The following NFASC variants were observed in gnomAD, a reference collection of about 807,000 sequenced individuals.
NFASC encodes the protein neurofascin homolog.
NFASC carries 43 observed loss-of-function variants against 147.5 expected under a neutral mutation model. The observed-to-expected ratio is 0.29, with a 90% CI of 0.23 to 0.38. The LOEUF is 0.38. Among genes scored for constraint, NFASC ranks in the 10% least tolerant of loss-of-function variants. NFASC has a pLI of 1.00. For missense variants in NFASC, 1,320 were observed against 1,689.0 expected (o/e 0.78, Z 3.83); for synonymous variants, 622 against 665.5 (o/e 0.93, Z 1.01).
intron 1 of NFASC, among the ~76,000 whole-genome samples, chr1:204,896,599 C>T (rs879423318): frequency 5.9e-5 from 9 of 152,122 alleles, no homozygotes; most frequent in Admixed American, 5.9e-4. Context: ...GGACACAAGC[C>T]AGGGTCTCTC....
chr1:204,830,358 T>C (rs1671858409), intron 1 of NFASC, among the ~76,000 whole-genome samples: 3 of 152,100 alleles, frequency 2.0e-5, no homozygotes, highest in Admixed American at 2.0e-4. Flanking sequence ...ATAGGGGCCA[T>C]ACCAGCTGTG....
chr1:204,919,436 G>A (rs982428301), intron 1 of NFASC, among the ~76,000 whole-genome samples: 8 of 151,930 alleles, frequency 5.3e-5, no homozygotes, highest in Admixed American at 3.3e-4. Context: ...CTAAATAAAT[G>A]GTAGCATATT....
chr1:204,997,270 C>T lies in NFASC; in HGVS notation c.2883C>T (p.Pro961=). Residue 961 remains proline, a synonymous_variant, in exon 25 of 30, where the codon CCC becomes CCT. Transcript: ENST00000339876. The part of the protein sequence containing the change: ...IAATTEATTV[P]IIPTVAPTTI... ...CCACCACCGAAGCCACAACAGTCCC[C>T]ATCATCCCAACTGTCGCACCTACCA... is the stretch of plus-strand genomic sequence containing the variant. The T allele has an allele frequency of 2.5e-6, 4 of 1,612,976 alleles. No homozygotes were observed. The highest frequency in any genetic ancestry group is 2.2e-5 in the East Asian group (1 of 44,830).
intron 28 of NFASC, among the ~76,000 whole-genome samples, chr1:205,012,304 C>T (rs528610135): frequency 5.7e-4 from 87 of 152,302 alleles, no homozygotes; most frequent in Non-Finnish European, 9.1e-4. Context: ...TAGGTGTGTA[C>T]GGCGTGTCTT....
At chr1:204,835,013 C>G (rs11240290) in intron 1 of NFASC, among the ~76,000 whole-genome samples, 36,157 of 151,906 alleles carry the variant, frequency 0.24, 6,771 homozygotes, top group East Asian at 0.74. Flanking sequence ...TTTGGGTCAG[C>G]GTTACCACAT....
At position 204,988,862 on chromosome 1, in the gene NFASC, A is replaced by G. The variant is rs532408184; in HGVS notation, c.2767+56A>G. 1.8e-5 allele frequency: 27 copies of G among 1,525,802 alleles called. No homozygotes were observed. In the African/African-American group the frequency reaches 3.5e-4, roughly 20 times the overall value. The allele number at this position is 1,525,802 out of a possible 1,614,324, so 94.5% of individuals were successfully genotyped here. On this transcript the variant is annotated intron_variant, in intron 23 of 29. Coordinates refer to ENST00000339876, the MANE Select transcript of NFASC (RefSeq NM_001005388.3). ...AAGGTCCCAGCTAATTCCGAGGCCT[A>G]GAGAAACACTGAGATCTGTAGCTGG... is the stretch of plus-strand genomic sequence containing the variant.
intron 1 of NFASC, among the ~76,000 whole-genome samples, chr1:204,901,572 A>G (rs191332240): frequency 6.6e-6 from 1 of 152,252 alleles, no homozygotes; most frequent in East Asian, 1.9e-4. Flanking sequence ...GGTGGGGGAA[A>G]TCTTGATTGG....
At chr1:204,972,438 C>T (rs978611807) in intron 11 of NFASC, among the ~76,000 whole-genome samples, 4 of 152,122 alleles carry the variant, frequency 2.6e-5, no homozygotes, top group Non-Finnish European at 5.9e-5. Context: ...TGATTCTTCC[C>T]CATCTTACAG....
At chr1:204,834,307 C>T (rs2102386501) in intron 1 of NFASC, among the ~76,000 whole-genome samples, 1 of 152,324 alleles carries the variant, frequency 6.6e-6, no homozygotes, top group African/African-American at 2.4e-5. Flanking sequence ...TACAGGGTTG[C>T]TGCAAGTTCC....
rs752844309 is a variant in NFASC at position 204,974,729 on chromosome 1, T to G, written c.1464T>G (p.Ile488Met). The change falls in exon 14 of 30, where the codon ATT (isoleucine) becomes ATG (methionine). Residue 488 changes from isoleucine (I) to methionine (M), a missense_variant. Ile to Met is a conservative substitution (Grantham distance 10). Around this residue, in one of 3 missense-constraint regions of NFASC, gnomAD observed 981 missense variants for 1,289.5 expected, o/e 0.76. Coordinates refer to ENST00000339876, the MANE Select transcript of NFASC (RefSeq NM_001005388.3). ...TTTATGAGAACGGCAGTCTGGAAAT[T>G]AAGATGATCCGCAAAGAGGACCAGG... ...YHVYENGSLE[I>M]KMIRKEDQGI... is the part of the protein sequence containing the mutation. 9.3e-6 allele frequency: 15 copies of G among 1,614,162 alleles called. No homozygotes were observed. The South Asian group carries it at 1.6e-4, about 18-fold the overall frequency.
chr1:204,881,277 G>A (rs915439640), intron 1 of NFASC, among the ~76,000 whole-genome samples: 2 of 152,204 alleles, frequency 1.3e-5, no homozygotes, highest in East Asian at 1.9e-4. Flanking sequence ...TGAAGTAGGC[G>A]ACACCTGTGC....
intron 7 of NFASC, among the ~76,000 whole-genome samples, chr1:204,955,613 C>A (rs188924322): frequency 6.6e-5 from 10 of 152,062 alleles, no homozygotes; most frequent in African/African-American, 2.4e-4. Flanking sequence ...TCATCCTCTC[C>A]GGACCTCAGT....
chr1:205,006,252 C>T (rs1029952507), intron 27 of NFASC, among the ~76,000 whole-genome samples: 1 of 152,208 alleles, frequency 6.6e-6, no homozygotes, highest in African/African-American at 2.4e-5. Context: ...AATAAGTAGT[C>T]ACTGACTACT....
intron 1 of NFASC, among the ~76,000 whole-genome samples, chr1:204,919,175 C>G (rs1459402758): frequency 6.6e-6 from 1 of 152,066 alleles, no homozygotes; most frequent in Non-Finnish European, 1.5e-5. Context: ...CAGGTGTAAG[C>G]CACAACGCCT....
intron 2 of NFASC, among the ~76,000 whole-genome samples, chr1:204,933,680 C>G (rs981549261): frequency 6.6e-6 from 1 of 151,216 alleles, no homozygotes; most frequent in African/African-American, 2.4e-5. Flanking sequence ...ACACTAGATT[C>G]AGCCAGTGGG....
intron 1 of NFASC, among the ~76,000 whole-genome samples, chr1:204,848,216 T>C (rs1046142154): frequency 1.8e-4 from 28 of 152,302 alleles, no homozygotes; most frequent in African/African-American, 6.7e-4. Context: ...TGCAGTCCCC[T>C]TTTTCATCAC....
chr1:204,988,742 C>G lies in NFASC; in HGVS notation c.2703C>G (p.Ser901Arg), dbSNP rs142292676. Residue 901 changes from serine to arginine, a missense_variant, in exon 23 of 30, where the codon AGC becomes AGG. By Grantham distance (110) the Ser-to-Arg change is moderately radical. Around this residue, in one of 3 missense-constraint regions of NFASC, gnomAD observed 981 missense variants for 1,289.5 expected, o/e 0.76. Coordinates refer to ENST00000339876, the MANE Select transcript of NFASC (RefSeq NM_001005388.3). ...TGTCACGCTACCGCTTTACCCTCAG[C>G]GCCAGGACGCAGGTGGGCTCTGGGG... ...DPVSRYRFTL[S>R]ARTQVGSGEA... is the part of the protein sequence containing the mutation. 1.7e-5 allele frequency: 28 copies of G among 1,614,098 alleles called. No individual in the cohort carries two copies. The East Asian group carries it at 5.8e-4, about 33-fold the overall frequency.
chr1:204,878,478 A>G (rs1038583636), intron 1 of NFASC, among the ~76,000 whole-genome samples: 4 of 152,260 alleles, frequency 2.6e-5, no homozygotes, highest in Non-Finnish European at 4.4e-5. Context: ...TTCTTTTACA[A>G]TGGAAATCAG....
At chr1:204,970,498 G>A (rs2095199022) in intron 10 of NFASC, 118 bp from the exon 11 acceptor site, 1 of 1,172,754 alleles carries the variant, frequency 8.5e-7, no homozygotes, top group Admixed American at 1.9e-5. Context: ...TGGGGCAGGT[G>A]GTGAGCACGT....
Sources: allele counts gnomAD v4.1 joint callset (sites outside exome capture counted in the v4.1 genomes callset), GRCh38; gene constraint gnomAD v4.1.1; regional missense constraint gnomAD v4.1.1; transcripts MANE v1.5; gene names NCBI Gene and HGNC (gene_info 2026-07-23, HGNC 2026-07-21).